Variants in IRX2 observed in about 807,000 individuals in gnomAD.
The protein encoded by IRX2 is iroquois-class homeodomain protein IRX-2.
Under a neutral mutation model 42.9 loss-of-function variants are expected in IRX2, and 26 were observed. The ratio of observed to expected loss-of-function variants is 0.61; its 90% CI spans 0.44 to 0.84. The LOEUF is 0.84. Ranked by LOEUF, IRX2 falls within the 40% of genes least tolerant of loss-of-function variation. The pLI, the probability that IRX2 is intolerant of heterozygous loss-of-function variation, is 0.00. For synonymous variants in IRX2, 424 were observed against 353.9 expected (o/e 1.20, Z -2.22); for missense variants, 782 against 713.9 (o/e 1.10, Z -1.09).
intron 2 of IRX2, 51 bp downstream of exon 2, chr5:2,749,331 C>T (rs1023525199): frequency 6.5e-7 from 1 of 1,541,746 alleles, no homozygotes; most frequent in Non-Finnish European, 8.7e-7. Flanking sequence ...CTCTGCGCCC[C>T]GCCTGGGAAG....
At chr5:2,749,128 G>A in intron 2 of IRX2, 76 bp from the exon 3 acceptor site, 1 of 1,533,744 alleles carries the variant, frequency 6.5e-7, no homozygotes, top group Non-Finnish European at 8.7e-7. Flanking sequence ...CCCCTGTCCT[G>A]CGGCACTGGG....
chr5:2,749,834 G>C (rs1210243473), intron 1 of IRX2, 47 bp from the exon 2 acceptor site: 2 of 1,531,736 alleles, frequency 1.3e-6, no homozygotes, highest in South Asian at 2.5e-5. Flanking sequence ...AGACCCCGCG[G>C]GCAACCAGCC....
chr5:2,738,397 T>C, the IRX2 span, among the ~76,000 whole-genome samples: 1 of 152,196 alleles, frequency 6.6e-6, no homozygotes, highest in Admixed American at 6.5e-5. Flanking sequence ...TGTTTTTCCA[T>C]TGCTTGAGAG....
At chr5:2,740,036 C>T in the IRX2 span, among the ~76,000 whole-genome samples, 25 of 152,252 alleles carry the variant, frequency 1.6e-4, no homozygotes, top group East Asian at 4.5e-3. Context: ...GGCTACCCAT[C>T]CCCAGAAGCC....
At chr5:2,736,029 A>G in the IRX2 span, among the ~76,000 whole-genome samples, 4 of 152,150 alleles carry the variant, frequency 2.6e-5, no homozygotes, top group African/African-American at 9.7e-5. Flanking sequence ...AGGTCTTGCC[A>G]TGCTCCTTGG....
chr5:2,736,472 A>G, the IRX2 span, among the ~76,000 whole-genome samples: 2 of 152,380 alleles, frequency 1.3e-5, no homozygotes, highest in African/African-American at 4.8e-5. Flanking sequence ...TTTAATAGAA[A>G]GCTTTGAATA....
chr5:2,751,181 C>CCGGCGGCGGCGG lies in IRX2; in HGVS notation c.221_232dup (p.Ala74_Ala77dup). The CCGGCGGCGGCGG allele has an allele frequency of 1.6e-6, 2 of 1,266,648 alleles. No individual in the cohort carries two copies. Among genetic ancestry groups the CCGGCGGCGGCGG allele is most frequent in the Non-Finnish European group, 2.0e-6 (2 of 1,007,936 alleles). 78.5% of individuals were successfully genotyped at this position (1,266,648 alleles called of 1,614,324 possible). The stretch of plus-strand genomic sequence containing the variant: ...CCCGGTTACCATGTAGGACGGGAAG[C>CCGGCGGCGGCGG]CGGCGGCGGCGGCGGCGGCGTCGGC... On this transcript the variant is annotated inframe_insertion, in exon 1 of 4. Transcript: ENST00000302057. This position sits in a 1 kb window ranked among gnomAD's most constrained non-coding sequence, Gnocchi z 4.0.
At position 2,748,433 on chromosome 5, in the gene IRX2, TG is replaced by T; in HGVS notation, c.1274del (p.Pro425GlnfsTer140). The T allele has an allele frequency of 6.5e-7, 1 of 1,548,990 alleles. No individual in the cohort carries two copies. Among genetic ancestry groups the T allele is most frequent in the Non-Finnish European group, 8.7e-7 (1 of 1,153,202 alleles). On this transcript the variant is annotated frameshift_variant, in exon 3 of 4. Transcript: ENST00000302057. LOFTEE classifies it high-confidence loss of function. ...CCTTGCCCGCGTCGCTGGCCGCCTT[TG>T]GCGCGGTGTGCAGGGCCTCGCCGGG... ...AAPGEALHTA[P>X]KAASDAGKAG...
At chr5:2,747,842 T>C (rs935502301) in intron 3 of IRX2, among the ~76,000 whole-genome samples, 4 of 152,166 alleles carry the variant, frequency 2.6e-5, no homozygotes, top group African/African-American at 7.2e-5. Flanking sequence ...ACAGGCAACA[T>C]AGCACAGGGG....
chr5:2,738,577 G>A, the IRX2 span, among the ~76,000 whole-genome samples: 7 of 152,074 alleles, frequency 4.6e-5, no homozygotes, highest in African/African-American at 1.7e-4. Flanking sequence ...TGTTCCCAGG[G>A]AAGCCTTCAC....
downstream of IRX2, among the ~76,000 whole-genome samples, chr5:2,740,877 G>A (rs1190842577): frequency 6.6e-6 from 1 of 152,140 alleles, no homozygotes; most frequent in Admixed American, 6.5e-5. Flanking sequence ...GCCTGTCTTG[G>A]AGCTGAGACC....
chr5:2,748,324 C>A, intron 3 of IRX2, 21 bp downstream of exon 3: 1 of 1,383,114 alleles, frequency 7.2e-7, no homozygotes, highest in South Asian at 1.7e-5. Flanking sequence ...TCCCGGGCGC[C>A]GCCGGCCGCG....
chr5:2,739,543 G>C, the IRX2 span, among the ~76,000 whole-genome samples: 2 of 152,226 alleles, frequency 1.3e-5, no homozygotes, highest in African/African-American at 2.4e-5. Context: ...GAGACCGGGG[G>C]GACCGGGGAG....
chr5:2,736,930 A>T, the IRX2 span: 2 of 152,258 alleles, frequency 1.3e-5, no homozygotes, highest in African/African-American at 2.4e-5. Flanking sequence ...CATGTTGTGT[A>T]TAAGCACATT....
At chr5:2,750,801 C>G (rs1236703349) in intron 1 of IRX2, among the ~76,000 whole-genome samples, 2 of 152,238 alleles carry the variant, frequency 1.3e-5, no homozygotes, top group Non-Finnish European at 2.9e-5. Flanking sequence ...GGCGAGCACA[C>G]AGCCCGCTCC....
At chr5:2,742,376 A>T (rs1737563042), downstream of IRX2, among the ~76,000 whole-genome samples, 1 of 152,228 alleles carries the variant, frequency 6.6e-6, no homozygotes, top group African/African-American at 2.4e-5. Context: ...ACTTCTCCTT[A>T]TAATTAGCCT....
In IRX2 at chr5:2,748,435, G is replaced by C; in HGVS notation, c.1273C>G (p.Pro425Ala). 1 of 1,550,798 alleles carries C rather than the reference G, an allele frequency of 6.4e-7. No individual in the cohort carries two copies. The highest frequency in any genetic ancestry group is 1.4e-5 in the African/African-American group (1 of 70,216). ...TTGCCCGCGTCGCTGGCCGCCTTTG[G>C]CGCGGTGTGCAGGGCCTCGCCGGGG... ...AAPGEALHTA[P>A]KAASDAGKAG... The change falls in exon 3 of 4, where the codon CCA becomes GCA. Residue 425 changes from proline (P) to alanine (A), a missense_variant. By Grantham distance (27) the Pro-to-Ala change is conservative. Coordinates refer to ENST00000302057, the MANE Select transcript of IRX2 (RefSeq NM_033267.5).
downstream of IRX2, among the ~76,000 whole-genome samples, chr5:2,744,111 TGTGTGTG>T (rs1448494662): frequency 2.7e-5 from 4 of 150,760 alleles, no homozygotes; most frequent in South Asian, 2.1e-4. Context: ...TGTGTGTGTG[TGTGTGTG>T]TTGAAAGGGA....
Position 2,748,510 on chromosome 5 carries a change from C to T in IRX2, c.1198G>A (p.Ala400Thr). Residue 400 changes from alanine to threonine, a missense_variant, in exon 3 of 4, where the codon GCG (alanine) becomes ACG (threonine). Physicochemically the swap from Ala to Thr is moderately conservative, Grantham distance 58. Transcript: ENST00000302057. ...GNYTNYGNLN[A>T]ALQGQGLLRY... ...AGGAGACCCTGGCCCTGCAGCGCCG[C>T]GTTCAAGTTCCCGTAGTTTGTGTAG... 2 of 1,582,846 alleles carry T rather than the reference C, an allele frequency of 1.3e-6. No individual in the cohort carries two copies. The highest frequency in any genetic ancestry group is 1.7e-6 in the Non-Finnish European group (2 of 1,165,732).
Sources: allele counts gnomAD v4.1 joint callset (sites outside exome capture counted in the v4.1 genomes callset), GRCh38; gene constraint gnomAD v4.1.1; non-coding constraint Gnocchi (gnomAD v3.1); transcripts MANE v1.5; gene names NCBI Gene and HGNC (gene_info 2026-07-23, HGNC 2026-07-21).